The following STXBP3 variants were observed in gnomAD, a reference collection of about 807,000 sequenced individuals.
The protein encoded by STXBP3 is syntaxin binding protein 3, also known as syntaxin-binding protein 3.
In STXBP3, 41 loss-of-function variants were observed where a neutral mutation model predicts 85.7. The observed-to-expected ratio is 0.48, with a 90% CI of 0.37 to 0.62. The LOEUF (loss-of-function observed/expected upper bound fraction) is 0.62, where lower values mean the gene tolerates loss of function less well. Among genes scored for constraint, STXBP3 ranks in the 20% least tolerant of loss-of-function variants. The probability of loss-of-function intolerance (pLI) is 0.00; values close to 1 mark genes in which losing one functional copy is unlikely to be tolerated. For synonymous variants in STXBP3, 229 were observed against 231.7 expected, an observed-to-expected ratio of 0.99 and a Z score of 0.10; for missense variants, 563 against 703.1, an observed-to-expected ratio of 0.80 and a Z score of 2.25.
chr1:108,788,065 T>A (rs1483715280), intron 11 of STXBP3, among the ~76,000 whole-genome samples: 2 of 152,228 alleles, frequency 1.3e-5, no homozygotes, highest in African/African-American at 2.4e-5. Flanking sequence ...ATGCTGAGAT[T>A]ACAGGCGTGA....
intron 7 of STXBP3, among the ~76,000 whole-genome samples, chr1:108,775,553 C>T (rs142034402): frequency 2.6e-3 from 399 of 152,062 alleles, no homozygotes; most frequent in African/African-American, 9.3e-3. Context: ...ACTAAACAGT[C>T]ACCCACCACT....
intron 12 of STXBP3, among the ~76,000 whole-genome samples, chr1:108,794,358 T>C (rs1570771076): frequency 6.6e-6 from 1 of 152,278 alleles, no homozygotes; most frequent in East Asian, 1.9e-4. Context: ...GACTCACAGA[T>C]CTACATGGCT....
intron 1 of STXBP3, among the ~76,000 whole-genome samples, chr1:108,751,088 GATT>G (rs906057172): frequency 6.6e-6 from 1 of 152,160 alleles, no homozygotes; most frequent in Non-Finnish European, 1.5e-5. Flanking sequence ...AAGCATGAAT[GATT>G]ACATCACTGG....
intron 17 of STXBP3, among the ~76,000 whole-genome samples, chr1:108,802,361 C>T (rs939761174): frequency 2.0e-5 from 3 of 152,086 alleles, no homozygotes; most frequent in South Asian, 2.1e-4. Flanking sequence ...CATGCCACTG[C>T]ACTCCAGCCT....
chr1:108,795,858 TTG>T (rs1472283248), intron 13 of STXBP3, among the ~76,000 whole-genome samples: 36 of 152,174 alleles, frequency 2.4e-4, no homozygotes, highest in Admixed American at 2.4e-3. Flanking sequence ...ATAATAGATT[TTG>T]TGTGTTTGTT....
At chr1:108,772,872 A>T (rs1480241385) in intron 7 of STXBP3, 53 bp downstream of exon 7, 8 of 1,427,540 alleles carry the variant, frequency 5.6e-6, no homozygotes, top group Non-Finnish European at 7.4e-6. Context: ...CATTCATTAT[A>T]GAGGTAAGTA....
intron 15 of STXBP3, among the ~76,000 whole-genome samples, chr1:108,797,416 T>C (rs966730380): frequency 1.4e-5 from 2 of 142,694 alleles, no homozygotes; most frequent in Non-Finnish European, 3.1e-5. Flanking sequence ...TTTCCCATCT[T>C]TTTTTTTTTT....
chr1:108,807,965 CA>C (rs1183600274), intron 18 of STXBP3, among the ~76,000 whole-genome samples: 1 of 152,032 alleles, frequency 6.6e-6, no homozygotes, highest in Non-Finnish European at 1.5e-5. Context: ...AAATTTAATG[CA>C]AAAAAATTGT....
chr1:108,750,504 G>T (rs1026509993), intron 1 of STXBP3, among the ~76,000 whole-genome samples: 1 of 152,056 alleles, frequency 6.6e-6, no homozygotes, highest in Non-Finnish European at 1.5e-5. Flanking sequence ...TTCTAAAAAT[G>T]ACTATAAATA....
In STXBP3 at chr1:108,793,634, A is replaced by T. The variant is rs1436034927; in HGVS notation, c.1016A>T (p.Lys339Ile). The T allele has an allele frequency of 6.2e-7, 1 of 1,611,742 alleles. No individual in the cohort carries two copies. The highest frequency in any genetic ancestry group is 1.3e-5 in the African/African-American group (1 of 74,834). The change falls in exon 12 of 19, where the codon AAA (lysine) becomes ATA (isoleucine). Residue 339 changes from lysine (K) to isoleucine (I), a missense_variant. Around this residue, in one of 3 missense-constraint regions of STXBP3, gnomAD observed 494 missense variants for 592.8 expected, o/e 0.83. Transcript: ENST00000370008. ...ATGAAAAAGATGCCCCATTTCCGAA[A>T]ACAGATTACTAAGGTAAGCAGTATT... The part of the protein sequence containing the change: ...QLMKKMPHFR[K>I]QITKQVVHLN...
intron 7 of STXBP3, among the ~76,000 whole-genome samples, chr1:108,774,314 C>T (rs1269822666): frequency 6.6e-6 from 1 of 152,096 alleles, no homozygotes; most frequent in African/African-American, 2.4e-5. Context: ...GAATTAATAT[C>T]TGTAAAGCAT....
chr1:108,747,149 A>G (rs915986174), intron 1 of STXBP3, among the ~76,000 whole-genome samples: 1 of 22,062 alleles, frequency 4.5e-5, no homozygotes, highest in South Asian at 1.1e-3. Context: ...TCCGCGCTCC[A>G]CCAGTTGGGG....
chr1:108,806,820 T>C (rs1013511542), intron 17 of STXBP3, among the ~76,000 whole-genome samples: 2 of 152,058 alleles, frequency 1.3e-5, no homozygotes, highest in African/African-American at 4.8e-5. Context: ...TATGAAATAA[T>C]AAGGGAGGTT....
chr1:108,801,566 G>C (rs1229382846), intron 17 of STXBP3, among the ~76,000 whole-genome samples: 1 of 152,050 alleles, frequency 6.6e-6, no homozygotes, highest in African/African-American at 2.4e-5. Flanking sequence ...CTTCAAGCCT[G>C]TATGGCTTCC....
At chr1:108,747,751 G>T (rs1275629768) in intron 1 of STXBP3, among the ~76,000 whole-genome samples, 1 of 152,136 alleles carries the variant, frequency 6.6e-6, no homozygotes, top group Non-Finnish European at 1.5e-5. Flanking sequence ...ATCCAAATCA[G>T]TAACTGGGAT....
intron 14 of STXBP3, 77 bp downstream of exon 14, chr1:108,796,449 G>A (rs557009625): frequency 4.6e-5 from 57 of 1,230,192 alleles, no homozygotes; most frequent in Non-Finnish European, 6.3e-5. Flanking sequence ...AAAGATAGTT[G>A]CTGAACTTGG....
chr1:108,788,162 T>C (rs547698343), intron 11 of STXBP3, among the ~76,000 whole-genome samples: 2 of 152,340 alleles, frequency 1.3e-5, no homozygotes, highest in Admixed American at 1.3e-4. Context: ...TATTGTCTTT[T>C]TTTCCCCTTT....
chr1:108,796,518 G>A, intron 14 of STXBP3, 102 bp from the exon 15 acceptor site: 1 of 1,232,836 alleles, frequency 8.1e-7, no homozygotes, highest in Middle Eastern at 2.0e-4. Flanking sequence ...TAATTTGACT[G>A]TTTTTTATTT....
intron 13 of STXBP3, 103 bp from the exon 14 acceptor site, chr1:108,796,131 G>T: frequency 7.9e-7 from 1 of 1,268,314 alleles, no homozygotes; most frequent in Non-Finnish European, 1.1e-6. Flanking sequence ...CCAAAGTGCT[G>T]GGATTACAGG....
Sources: allele counts gnomAD v4.1 joint callset (sites outside exome capture counted in the v4.1 genomes callset), GRCh38; gene constraint gnomAD v4.1.1; regional missense constraint gnomAD v4.1.1; transcripts MANE v1.5; gene names NCBI Gene and HGNC (gene_info 2026-07-23, HGNC 2026-07-21).